DMD: variants seen among roughly 807,000 people sequenced by gnomAD.
The protein encoded by DMD is dystrophin, also known as mutant dystrophin.
In DMD, 63 loss-of-function variants were observed where a neutral mutation model predicts 330.1. The observed-to-expected ratio is 0.19, with a 90% CI of 0.16 to 0.24. The LOEUF (loss-of-function observed/expected upper bound fraction) is 0.24, where lower values mean the gene tolerates loss of function less well. DMD is among the 10% of genes least tolerant of loss of function. DMD has a pLI of 1.00. For synonymous variants in DMD, 1,223 were observed against 959.8 expected (o/e 1.27, Z -5.07); for missense variants, 3,344 against 2,684.1 (o/e 1.25, Z -5.43).
intron 55 of DMD, among the ~76,000 whole-genome samples, chrX:31,522,355 C>CTATATATATATATA (rs1264715425): frequency 3.3e-5 from 2 of 60,595 alleles, no homozygotes; most frequent in Non-Finnish European, 2.8e-5. Flanking sequence ...CTCTCTCTCT[C>CTATATATATATATA]TCTCTCTCTA....
rs768571946 is a variant in DMD at position 31,745,352 on chromosome X, C to T, written c.7543-15604G>A. ...ATGTGAGGGCTCAGAACACTAGATG[C>T]CCAAATAAGGACATCATGTTGAAGG... On this transcript the variant is annotated intron_variant, in intron 51 of 78. Coordinates refer to ENST00000357033, the MANE Select transcript of DMD (RefSeq NM_004006.3). 1.4e-4 allele frequency among the ~76,000 whole-genome samples: 15 copies of T among 111,088 alleles called. 1 individual carries two copies. In the South Asian group the frequency reaches 5.3e-3, roughly 39 times the overall value.
At chrX:31,243,543 A>G (rs2048554354) in intron 63 of DMD, among the ~76,000 whole-genome samples, 1 of 112,665 alleles carries the variant, frequency 8.9e-6, no homozygotes, top group Admixed American at 9.4e-5. Flanking sequence ...ATTACTCAAA[A>G]AAGAAGAAAA....
intron 44 of DMD, among the ~76,000 whole-genome samples, chrX:32,021,984 T>A (rs1441591778): frequency 8.9e-6 from 1 of 112,180 alleles, no homozygotes. Flanking sequence ...GTAGTTTTCC[T>A]TTCTAAATAC....
At chrX:32,504,738 G>C (rs1289398763) in intron 18 of DMD, among the ~76,000 whole-genome samples, 1 of 111,192 alleles carries the variant, frequency 9.0e-6, no homozygotes, top group East Asian at 2.8e-4. Context: ...ATGGGAACAA[G>C]AAACACTGCG....
At position 31,120,959 on chromosome X, in the gene DMD, C is replaced by CCAATACTTTA. The variant is rs1359543850; in HGVS notation, c.*950_*959dup. The CCAATACTTTA allele has an allele frequency of 9.0e-6, 1 of 110,859 alleles. No individual in the cohort carries two copies. The highest frequency in any genetic ancestry group is 2.8e-4 in the East Asian group (1 of 3,563). The allele number at this position is 110,859 out of a possible 1,213,427, so 9.1% of individuals were successfully genotyped here. A position where few individuals can be genotyped will look rare whatever the true frequency, so the allele number is the denominator to read the frequency against. On this transcript the variant is annotated 3_prime_UTR_variant, in exon 79 of 79. Coordinates refer to ENST00000357033, the MANE Select transcript of DMD (RefSeq NM_004006.3). ...ATTCACATGTTCCCTTTAAAAAAAT[C>CCAATACTTTA]CAATACTTTACTTTACTTTCGTTGT... is the stretch of plus-strand genomic sequence containing the variant.
chrX:32,181,678 C>T (rs750098984), intron 44 of DMD, among the ~76,000 whole-genome samples: 15 of 110,902 alleles, frequency 1.4e-4, no homozygotes, highest in Admixed American at 9.7e-4. Flanking sequence ...CTAATATAAT[C>T]GGAGGCAGAT....
Position 31,712,554 on chromosome X carries a change from A to AATGATTGTAGTATTTTG in DMD, c.7660+17076_7660+17077insCAAAATACTACAATCAT, listed in dbSNP as rs1556837483. Among the ~76,000 whole-genome samples, 4 of 110,898 alleles carry AATGATTGTAGTATTTTG rather than the reference A, an allele frequency of 3.6e-5. No individual in the cohort carries two copies. The South Asian group carries it at 1.1e-3, about 31-fold the overall frequency. ...ATTCACTTAATCTAGTGAATGATGT[A>AATGATTGTAGTATTTTG]ATGATTGTAATATTTTCGTTCAGTG... On this transcript the variant is annotated intron_variant, in intron 52 of 78. Transcript: ENST00000357033.
chrX:32,652,189 G>T (rs2146947747), intron 9 of DMD, among the ~76,000 whole-genome samples: 1 of 110,114 alleles, frequency 9.1e-6, no homozygotes, highest in South Asian at 4.0e-4. Flanking sequence ...ACAACGTTCA[G>T]GTTTGTTACA....
intron 61 of DMD, among the ~76,000 whole-genome samples, chrX:31,341,569 G>A (rs1250155495): frequency 9.0e-6 from 1 of 111,244 alleles, no homozygotes; most frequent in African/African-American, 3.3e-5. Context: ...ACTTAGGATG[G>A]CCAAACGAAG....
chrX:32,409,282 C>G (rs1200976303), intron 30 of DMD, among the ~76,000 whole-genome samples: 3 of 111,560 alleles, frequency 2.7e-5, no homozygotes, highest in Non-Finnish European at 5.7e-5. Context: ...CAGGTGTGAC[C>G]TGAAATGCAT....
intron 9 of DMD, among the ~76,000 whole-genome samples, chrX:32,675,359 G>GA (rs1415579039): frequency 9.0e-6 from 1 of 110,716 alleles, no homozygotes; most frequent in African/African-American, 3.3e-5. Context: ...CTCTTTCAAG[G>GA]AAAAAAGATT....
At chrX:33,267,080 A>G (rs1603426723) in intron 1 of DMD, among the ~76,000 whole-genome samples, 1 of 111,682 alleles carries the variant, frequency 9.0e-6, no homozygotes, top group African/African-American at 3.3e-5. Context: ...GTATGATTCT[A>G]TACTTAGAAA....
At chrX:32,552,577 C>A (rs1382889352) in intron 16 of DMD, among the ~76,000 whole-genome samples, 1 of 111,637 alleles carries the variant, frequency 9.0e-6, no homozygotes, top group Non-Finnish European at 1.9e-5. Context: ...AAACTGGGAC[C>A]TAATTAAACT....
chrX:31,743,371 C>T (rs2087528418), intron 51 of DMD, among the ~76,000 whole-genome samples: 1 of 112,254 alleles, frequency 8.9e-6, no homozygotes, highest in African/African-American at 3.2e-5. Context: ...AAACAAATTG[C>T]TTTACTAAAA....
At chrX:32,332,056 T>A (rs2097682803) in intron 41 of DMD, among the ~76,000 whole-genome samples, 2 of 111,756 alleles carry the variant, frequency 1.8e-5, no homozygotes, top group Admixed American at 9.6e-5. Context: ...CCCTCTACTA[T>A]TCAAAAATTG....
chrX:33,003,382 T>C (rs1334578840), intron 2 of DMD, among the ~76,000 whole-genome samples: 1 of 112,496 alleles, frequency 8.9e-6, no homozygotes, highest in Non-Finnish European at 1.9e-5. Context: ...TTATCATTTA[T>C]GAAGAATAAA....
At chrX:32,336,056 TTATATATAACGTGTGTATAAC>T (rs2097712920) in intron 41 of DMD, among the ~76,000 whole-genome samples, 2 of 103,566 alleles carry the variant, frequency 1.9e-5, no homozygotes, top group Non-Finnish European at 4.0e-5. Context: ...ATATATAACG[TTATATATAACGTGTGTATAAC>T]ATGTTATATA....
intron 43 of DMD, among the ~76,000 whole-genome samples, chrX:32,275,248 G>A (rs1445652499): frequency 1.8e-5 from 2 of 111,968 alleles, no homozygotes; most frequent in Non-Finnish European, 3.8e-5. Context: ...TAGAGGCTAC[G>A]CTTGATGGAG....
At chrX:31,803,612 C>G (rs775479220) in intron 50 of DMD, among the ~76,000 whole-genome samples, 102 of 59,983 alleles carry the variant, frequency 1.7e-3, no homozygotes, top group Non-Finnish European at 1.8e-3. Flanking sequence ...TTTTCTTTCC[C>G]TCCCTCCCTC....
Sources: allele counts gnomAD v4.1 joint callset (sites outside exome capture counted in the v4.1 genomes callset), GRCh38; gene constraint gnomAD v4.1.1; transcripts MANE v1.5; gene names NCBI Gene and HGNC (gene_info 2026-07-23, HGNC 2026-07-21).